Variants in PGCKA1 observed in about 807,000 individuals in gnomAD.
PGCKA1 encodes the protein PDCD10 and GCKIII kinases-associated protein 1.
chr4:37,525,005 C>G, the PGCKA1 span, among the ~76,000 whole-genome samples: 1 of 152,156 alleles, frequency 6.6e-6, no homozygotes, highest in Non-Finnish European at 1.5e-5. Context: ...ATTTTAGGCA[C>G]TGAATTGACA....
the PGCKA1 span, among the ~76,000 whole-genome samples, chr4:37,514,027 T>C: frequency 6.6e-6 from 1 of 152,240 alleles, no homozygotes; most frequent in East Asian, 1.9e-4. Context: ...CAGAAATTCA[T>C]TGGCTTATGG....
chr4:37,507,041 T>C, the PGCKA1 span, among the ~76,000 whole-genome samples: 2 of 152,186 alleles, frequency 1.3e-5, no homozygotes, highest in Non-Finnish European at 2.9e-5. Flanking sequence ...ATGACCTTTG[T>C]TGTCTCTTCT....
the PGCKA1 span, among the ~76,000 whole-genome samples, chr4:37,538,852 T>C: frequency 6.6e-6 from 1 of 152,318 alleles, no homozygotes; most frequent in Admixed American, 6.5e-5. Context: ...TCATGGCCTG[T>C]TATAGTCAGC....
the PGCKA1 span, among the ~76,000 whole-genome samples, chr4:37,523,737 G>A: frequency 3.5e-4 from 54 of 152,268 alleles, 1 homozygote; most frequent in South Asian, 0.011. Context: ...CATAGACTAG[G>A]TGGCTTAGAC....
At chr4:37,554,110 A>G in the PGCKA1 span, among the ~76,000 whole-genome samples, 1 of 152,074 alleles carries the variant, frequency 6.6e-6, no homozygotes, top group Non-Finnish European at 1.5e-5. Context: ...AATAAATCTC[A>G]TGAGATCTGA....
the PGCKA1 span, among the ~76,000 whole-genome samples, chr4:37,585,965 C>A: frequency 4.7e-3 from 709 of 151,500 alleles, 7 homozygotes; most frequent in African/African-American, 0.016. Flanking sequence ...ATTGTTAATA[C>A]TCTTGTTTGT....
the PGCKA1 span, among the ~76,000 whole-genome samples, chr4:37,561,288 A>G: frequency 2.0e-5 from 3 of 152,200 alleles, no homozygotes; most frequent in Non-Finnish European, 4.4e-5. Context: ...AGCAGAGTTA[A>G]GACTTGCAGG....
At chr4:37,530,063 C>T in the PGCKA1 span, among the ~76,000 whole-genome samples, 1 of 152,256 alleles carries the variant, frequency 6.6e-6, no homozygotes, top group South Asian at 2.1e-4. Flanking sequence ...GATAAATGTT[C>T]TAAAAACTCT....
At chr4:37,472,438 AAT>A in the PGCKA1 span, among the ~76,000 whole-genome samples, 2 of 152,192 alleles carry the variant, frequency 1.3e-5, no homozygotes, top group Non-Finnish European at 1.5e-5. Flanking sequence ...TTACAAGATA[AAT>A]ATGTCTTCCT....
At chr4:37,584,782 C>T in the PGCKA1 span, among the ~76,000 whole-genome samples, 2 of 152,052 alleles carry the variant, frequency 1.3e-5, no homozygotes, top group African/African-American at 4.8e-5. Context: ...ATGTGCCTGC[C>T]TGCTTTTCCT....
the PGCKA1 span, among the ~76,000 whole-genome samples, chr4:37,556,728 T>G: frequency 6.6e-6 from 1 of 152,218 alleles, no homozygotes; most frequent in Non-Finnish European, 1.5e-5. Context: ...CTGAATGATA[T>G]TGTAGTTCAT....
the PGCKA1 span, among the ~76,000 whole-genome samples, chr4:37,547,175 G>A: frequency 2.0e-5 from 3 of 152,170 alleles, no homozygotes; most frequent in Non-Finnish European, 4.4e-5. Context: ...ACTGGTCTTG[G>A]GAACTTGCCT....
At chr4:37,489,580 G>A in the PGCKA1 span, among the ~76,000 whole-genome samples, 2 of 152,200 alleles carry the variant, frequency 1.3e-5, no homozygotes, top group South Asian at 2.1e-4. Context: ...GAAAAATAAG[G>A]TTACATTTTT....
At chr4:37,578,623 T>C in the PGCKA1 span, among the ~76,000 whole-genome samples, 6 of 152,238 alleles carry the variant, frequency 3.9e-5, no homozygotes, top group African/African-American at 1.4e-4. Context: ...CTTCCTTTCC[T>C]TCATTTCTTC....
chr4:37,570,781 G>A, the PGCKA1 span, among the ~76,000 whole-genome samples: 3 of 152,286 alleles, frequency 2.0e-5, no homozygotes, highest in East Asian at 5.8e-4. Context: ...CCTCCCAGCA[G>A]CCACTTTAAA....
At chr4:37,548,216 T>TA in the PGCKA1 span, among the ~76,000 whole-genome samples, 1 of 152,130 alleles carries the variant, frequency 6.6e-6, no homozygotes, top group Admixed American at 6.5e-5. Context: ...TTGTATAATT[T>TA]AAAAGTAATA....
At chr4:37,570,419 A>T in the PGCKA1 span, among the ~76,000 whole-genome samples, 1 of 117,046 alleles carries the variant, frequency 8.5e-6, no homozygotes, top group Non-Finnish European at 1.7e-5. Flanking sequence ...AGAGTAGGAA[A>T]TGTTTCTGCC....
the PGCKA1 span, among the ~76,000 whole-genome samples, chr4:37,508,830 T>C: frequency 1.4e-5 from 2 of 147,592 alleles, no homozygotes; most frequent in Admixed American, 6.8e-5. Context: ...CCTGCGGCCT[T>C]CCGCAGTGTT....
At chr4:37,576,879 T>G in the PGCKA1 span, among the ~76,000 whole-genome samples, 1 of 152,298 alleles carries the variant, frequency 6.6e-6, no homozygotes, top group Non-Finnish European at 1.5e-5. Flanking sequence ...TATATCACAT[T>G]GATTTGCATA....
Sources: gnomAD v4.1 joint callset for allele counts (sites outside exome capture counted in the v4.1 genomes callset) on GRCh38, gnomAD v4.1.1 for gene constraint, MANE v1.5 for transcripts, NCBI Gene and HGNC (gene_info 2026-07-23, HGNC 2026-07-21) for gene names.